Variants in CRYZ observed in about 807,000 individuals in gnomAD.
CRYZ encodes crystallin zeta, also known as zeta-crystallin.
CRYZ carries 35 observed loss-of-function variants against 34.1 expected under a neutral mutation model. The observed-to-expected ratio is 1.03, with a 90% CI of 0.78 to 1.36. The LOEUF is 1.36. CRYZ is among the 40% of genes most tolerant of loss of function. The pLI, the probability that CRYZ is intolerant of heterozygous loss-of-function variation, is 0.00. For synonymous variants in CRYZ, 137 were observed against 136.5 expected, an observed-to-expected ratio of 1.00 and a Z score of -0.03; for missense variants, 403 against 391.8, an observed-to-expected ratio of 1.03 and a Z score of -0.24.
rs569058754 is a variant in CRYZ, at chr1:74,725,655, T to C, written c.-13-821A>G. Among the ~76,000 whole-genome samples, 25 of 152,276 alleles carry C rather than the reference T, an allele frequency of 1.6e-4. No homozygotes were observed. In the East Asian group the frequency reaches 4.2e-3, roughly 26 times the overall value. On this transcript the variant is annotated intron_variant, in intron 1 of 8. Transcript: ENST00000340866. ...TGTCCTCACATTTCAAAACCAATCA[T>C]GCCTTCCCAACAGTCTCCCAAAATC...
chr1:74,729,571 G>A (rs1647587987), intron 1 of CRYZ, among the ~76,000 whole-genome samples: 1 of 150,850 alleles, frequency 6.6e-6, no homozygotes, highest in Non-Finnish European at 1.5e-5. Context: ...CTTGAGCCCA[G>A]GAGATCAGGA....
intron 1 of CRYZ, among the ~76,000 whole-genome samples, chr1:74,726,268 C>G (rs1647334388): frequency 6.6e-6 from 1 of 152,206 alleles, no homozygotes; most frequent in Admixed American, 6.5e-5. Flanking sequence ...TGCAGCATAC[C>G]TCTGCCTGGA....
At chr1:74,708,606 T>G (rs1646961744) in intron 6 of CRYZ, 2 of 152,106 alleles carry the variant, frequency 1.3e-5, no homozygotes, top group Admixed American at 1.3e-4. Context: ...ACCAACTTGC[T>G]GGGTGGGAGG....
chr1:74,725,260 T>A (rs540295854), intron 1 of CRYZ, among the ~76,000 whole-genome samples: 2 of 152,322 alleles, frequency 1.3e-5, no homozygotes, highest in East Asian at 3.9e-4. Context: ...ATTTTCATAC[T>A]GCTATGAAGA....
At chr1:74,731,887 G>C (rs1647769782) in intron 1 of CRYZ, among the ~76,000 whole-genome samples, 1 of 152,164 alleles carries the variant, frequency 6.6e-6, no homozygotes, top group Non-Finnish European at 1.5e-5. Context: ...TGTTAACAGG[G>C]TGTTTTGTAA....
At chr1:74,720,494 G>A (rs916873339) in intron 3 of CRYZ, among the ~76,000 whole-genome samples, 2 of 152,094 alleles carry the variant, frequency 1.3e-5, no homozygotes, top group Admixed American at 6.6e-5. Context: ...ACTGCCCACC[G>A]TAACCACCTA....
intron 3 of CRYZ, among the ~76,000 whole-genome samples, chr1:74,721,953 G>A (rs992709292): frequency 1.3e-5 from 2 of 152,156 alleles, no homozygotes; most frequent in Non-Finnish European, 2.9e-5. Flanking sequence ...TTTTCAATAT[G>A]AATTTAAGTT....
chr1:74,715,082 C>T (rs1647054032), intron 4 of CRYZ, among the ~76,000 whole-genome samples: 1 of 151,730 alleles, frequency 6.6e-6, no homozygotes, highest in African/African-American at 2.4e-5. Context: ...TTTTTTTTGC[C>T]CAAGGAAAGA....
chr1:74,710,564 G>A (rs530497427), intron 5 of CRYZ, among the ~76,000 whole-genome samples: 3 of 152,248 alleles, frequency 2.0e-5, no homozygotes, highest in Non-Finnish European at 2.9e-5. Flanking sequence ...AGTCATATGC[G>A]GAGATGGAAA....
At position 74,723,235 on chromosome 1, in the gene CRYZ, G is replaced by A. The variant is rs777169233; in HGVS notation, c.147C>T (p.Pro49=). 11 of 1,613,706 alleles carry A rather than the reference G, an allele frequency of 6.8e-6. No homozygotes were observed. The highest frequency in any genetic ancestry group is 3.3e-5 in the Admixed American group (2 of 59,936). The change falls in exon 3 of 9, where the codon CCC becomes CCT. Residue 49 remains proline (P), a synonymous_variant. Transcript: ENST00000340866. ...LIKVHACGVN[P]VETYIRSGTY... ...TACCAGAGCGAATGTATGTCTCCAC[G>A]GGGTTGACACCACATGCATGGACCT...
chr1:74,727,938 G>C (rs977349074), intron 1 of CRYZ, among the ~76,000 whole-genome samples: 10 of 152,046 alleles, frequency 6.6e-5, no homozygotes, highest in Non-Finnish European at 1.3e-4. Context: ...CATAAATTTA[G>C]TACTCATCAT....
At position 74,719,213 on chromosome 1, in the gene CRYZ, G is replaced by A; in HGVS notation, c.424C>T (p.His142Tyr). The A allele has an allele frequency of 1.2e-6, 2 of 1,613,402 alleles. No homozygotes were observed. The highest frequency in any genetic ancestry group is 1.7e-6 in the Non-Finnish European group (2 of 1,179,454). ...PYFTAYRALI[H>Y]SACVKAGESV... ...ATTGACAGAATGTGTTATTACCTGT[G>A]GATCAGAGCTCGATAAGCAGTAAAA... Residue 142 changes from histidine to tyrosine, a missense_variant, in exon 4 of 9, where the codon CAC becomes TAC. By Grantham distance (83) the His-to-Tyr change is moderately conservative (BLOSUM62 2). Coordinates refer to ENST00000340866, the MANE Select transcript of CRYZ (RefSeq NM_001889.4).
rs1647758372 is a variant in CRYZ at position 74,731,761 on chromosome 1, A to C, written c.-14+1195T>G. On this transcript the variant is annotated intron_variant, in intron 1 of 8. Coordinates refer to ENST00000340866, the MANE Select transcript of CRYZ (RefSeq NM_001889.4). ...GTGGCTTCAGAGGGACTCGCACAAC[A>C]ATTTCCATTAGCTACGGACAAGCAT... 2.0e-5 allele frequency among the ~76,000 whole-genome samples: 3 copies of C among 152,120 alleles called. No homozygotes were observed. In the South Asian group the frequency reaches 6.2e-4, roughly 31 times the overall value.
chr1:74,706,440 A>G lies in CRYZ; in HGVS notation c.846T>C (p.Tyr282=). The G allele has an allele frequency of 6.3e-7, 1 of 1,598,554 alleles. No individual in the cohort carries two copies. Among genetic ancestry groups the G allele is most frequent in the Non-Finnish European group, 8.5e-7 (1 of 1,175,830 alleles). ...FSSTKEEFQQ[Y]AAALQAGMEI... ...CCATTCCAGCTTGAAGGGCTGCTGC[A>G]TATTGCTGAAATTCCTCCTAAGAAA... The change falls in exon 9 of 9, where the codon TAT becomes TAC. Residue 282 remains tyrosine (Y), a synonymous_variant. Coordinates refer to ENST00000340866, the MANE Select transcript of CRYZ (RefSeq NM_001889.4).
chr1:74,729,013 A>C (rs1208372771), intron 1 of CRYZ, among the ~76,000 whole-genome samples: 2 of 152,162 alleles, frequency 1.3e-5, no homozygotes, highest in African/African-American at 4.8e-5. Context: ...TCAGGTCTTC[A>C]CTCTAGCTCA....
rs143597042 is a variant in CRYZ, at chr1:74,714,632, T to G, written c.429-2A>C. On this transcript the variant is annotated splice_acceptor_variant, in intron 4 of 8. Transcript: ENST00000340866. LOFTEE classifies it high-confidence loss of function. Reference sequence around the variant, plus strand: ...CTCTCTCCAGCTTTCACACAGGCACTGCAAAGGAAAGCATAAGTTACATCA... The same window carrying G: ...CTCTCTCCAGCTTTCACACAGGCACGGCAAAGGAAAGCATAAGTTACATCA... 1.9e-6 allele frequency: 3 copies of G among 1,613,624 alleles called. No individual in the cohort carries two copies. The highest frequency in any genetic ancestry group is 2.5e-6 in the Non-Finnish European group (3 of 1,179,642).
In CRYZ at chr1:74,723,256, G is replaced by A; in HGVS notation, c.126C>T (p.Val42=). The A allele has an allele frequency of 1.2e-6, 2 of 1,606,334 alleles. No individual in the cohort carries two copies. The highest frequency in any genetic ancestry group is 1.7e-6 in the Non-Finnish European group (2 of 1,178,352). The change falls in exon 3 of 9, where the codon GTC becomes GTT. Residue 42 remains valine, a synonymous_variant. Coordinates refer to ENST00000340866, the MANE Select transcript of CRYZ (RefSeq NM_001889.4). ...CCACGGGGTTGACACCACATGCATG[G>A]ACCTTGATTAGAACCTGCAATGACA... ...IPKDHQVLIK[V]HACGVNPVET...
chr1:74,712,087 T>C (rs573049142), intron 5 of CRYZ, among the ~76,000 whole-genome samples: 2 of 152,252 alleles, frequency 1.3e-5, no homozygotes, highest in South Asian at 4.1e-4. Context: ...GAATACCAGA[T>C]AAATGTGCTT....
At chr1:74,710,284 C>T in intron 5 of CRYZ, 37 bp from the exon 6 acceptor site, 1 of 1,603,264 alleles carries the variant, frequency 6.2e-7, no homozygotes, top group South Asian at 1.1e-5. Flanking sequence ...TATATATTCT[C>T]TACACTCCTG....
Sources: allele counts gnomAD v4.1 joint callset (sites outside exome capture counted in the v4.1 genomes callset), GRCh38; gene constraint gnomAD v4.1.1; transcripts MANE v1.5; gene names NCBI Gene and HGNC (gene_info 2026-07-23, HGNC 2026-07-21).